The following ZRSR2 variants were observed in gnomAD, a reference collection of about 807,000 sequenced individuals.
ZRSR2 encodes the protein zinc finger CCCH-type, RNA binding motif and serine/arginine rich 2, also known as U2 small nuclear ribonucleoprotein auxiliary factor 35 kDa subunit-related protein 2.
ZRSR2 carries 3 observed loss-of-function variants against 39.4 expected under a neutral mutation model. That is an observed-to-expected ratio of 0.08 (90% CI 0.03 to 0.20). ZRSR2 has a LOEUF of 0.20. ZRSR2 is among the 10% of genes least tolerant of loss of function. The pLI, the probability that ZRSR2 is intolerant of heterozygous loss-of-function variation, is 1.00. For missense variants in ZRSR2, 256 were observed against 391.5 expected (o/e 0.65, Z 2.92); for synonymous variants, 137 against 136.0 (o/e 1.01, Z -0.05).
intron 10 of ZRSR2, among the ~76,000 whole-genome samples, chrX:15,822,132 A>C (rs1933122688): frequency 9.0e-6 from 1 of 110,554 alleles, no homozygotes; most frequent in African/African-American, 3.3e-5. Flanking sequence ...CTGGGATTAC[A>C]AGCGCCTGCC....
chrX:15,795,086 TTTC>T (rs1336781017), intron 2 of ZRSR2, among the ~76,000 whole-genome samples: 1 of 27,912 alleles, frequency 3.6e-5, no homozygotes, highest in Non-Finnish European at 5.2e-5. Context: ...CCCCTGCACT[TTTC>T]CCCCCCCCCC....
intron 2 of ZRSR2, among the ~76,000 whole-genome samples, chrX:15,798,717 C>T (rs1200371807): frequency 8.9e-6 from 1 of 112,222 alleles, no homozygotes; most frequent in Non-Finnish European, 1.9e-5. Context: ...AGCCAGTTAT[C>T]TTGTGGAATG....
intron 3 of ZRSR2, 132 bp downstream of exon 3, chrX:15,800,085 G>A (rs1932616024): frequency 9.9e-6 from 3 of 304,550 alleles, no homozygotes; most frequent in African/African-American, 2.8e-5. Flanking sequence ...CCTGTATAAA[G>A]TATTTAAATC....
chrX:15,807,300 T>G (rs1390542404), intron 5 of ZRSR2, among the ~76,000 whole-genome samples: 2 of 109,372 alleles, frequency 1.8e-5, no homozygotes, highest in African/African-American at 3.3e-5. Context: ...TGTTTGTTCG[T>G]TTTTTTTTAG....
At chrX:15,792,801 A>G (rs1392384833) in intron 2 of ZRSR2, among the ~76,000 whole-genome samples, 1 of 112,915 alleles carries the variant, frequency 8.9e-6, no homozygotes, top group African/African-American at 3.2e-5. Flanking sequence ...GTACTGGCTT[A>G]TAATGATTGT....
At chrX:15,796,518 C>T (rs754153257) in intron 2 of ZRSR2, among the ~76,000 whole-genome samples, 2,623 of 76,865 alleles carry the variant, frequency 0.034, 72 homozygotes, top group African/African-American at 0.11. Context: ...TCATTGGATG[C>T]GTTTTTTTCC....
chrX:15,797,968 A>G (rs996503725), intron 2 of ZRSR2, among the ~76,000 whole-genome samples: 5 of 112,106 alleles, frequency 4.5e-5, no homozygotes, highest in African/African-American at 1.3e-4. Flanking sequence ...GCAAGTAGTC[A>G]GGCCATATCC....
chrX:15,818,412 C>T (rs761771671), intron 8 of ZRSR2, among the ~76,000 whole-genome samples, 175 bp from the exon 9 acceptor site: 3 of 112,484 alleles, frequency 2.7e-5, no homozygotes, highest in Non-Finnish European at 3.7e-5. Flanking sequence ...GGATCAGGCA[C>T]GCTGCCATGT....
At chrX:15,790,746 A>G in intron 1 of ZRSR2, 188 bp from the exon 2 acceptor site, 2 of 623,165 alleles carry the variant, frequency 3.2e-6, no homozygotes, top group Non-Finnish European at 5.0e-6. Flanking sequence ...TGGCGGATGG[A>G]GAAGAACTGT....
intron 4 of ZRSR2, 21 bp downstream of exon 4, chrX:15,803,817 C>G (rs1257916299): frequency 8.5e-7 from 1 of 1,175,265 alleles, no homozygotes; most frequent in Admixed American, 2.5e-5. Flanking sequence ...AATCACGTAA[C>G]TAGTGAACAA....
At chrX:15,801,025 C>T (rs1455362481) in intron 3 of ZRSR2, among the ~76,000 whole-genome samples, 1 of 111,975 alleles carries the variant, frequency 8.9e-6, no homozygotes, top group African/African-American at 3.2e-5. Context: ...AGTTTGCAGC[C>T]CTTCTGGCAG....
intron 2 of ZRSR2, among the ~76,000 whole-genome samples, chrX:15,794,198 G>T (rs777537975): frequency 8.1e-5 from 9 of 111,321 alleles, no homozygotes; most frequent in Non-Finnish European, 1.1e-4. Flanking sequence ...ATGCTCCAAT[G>T]AGCATTTCCT....
At chrX:15,818,713 G>A in intron 9 of ZRSR2, 71 bp downstream of exon 9, 3 of 851,830 alleles carry the variant, frequency 3.5e-6, no homozygotes, top group Non-Finnish European at 3.4e-6. Flanking sequence ...TGATGTCTGG[G>A]ATTTTTCCAC....
intron 8 of ZRSR2, among the ~76,000 whole-genome samples, chrX:15,816,237 A>G (rs761607401): frequency 1.8e-5 from 2 of 111,895 alleles, no homozygotes; most frequent in East Asian, 5.6e-4. Flanking sequence ...TAGAAGCTGC[A>G]TGTGACAAAC....
chrX:15,796,825 G>A (rs1047020744), intron 2 of ZRSR2, among the ~76,000 whole-genome samples: 1 of 74,627 alleles, frequency 1.3e-5, no homozygotes, highest in Admixed American at 2.2e-4. Context: ...ACAGAGTCTC[G>A]CTCTGTCGCC....
At chrX:15,793,285 A>AT (rs1000998836) in intron 2 of ZRSR2, among the ~76,000 whole-genome samples, 38 of 106,286 alleles carry the variant, frequency 3.6e-4, no homozygotes, top group African/African-American at 1.1e-3. Flanking sequence ...TATTGTTTTG[A>AT]TTTTTTTTTT....
chrX:15,801,671 G>C (rs1421815507), intron 3 of ZRSR2: 1 of 113,661 alleles, frequency 8.8e-6, no homozygotes, highest in Non-Finnish European at 1.8e-5. Context: ...CAGCAGATGA[G>C]AGGTGCTGTG....
intron 4 of ZRSR2, 72 bp from the exon 5 acceptor site, chrX:15,804,039 T>C: frequency 9.3e-7 from 1 of 1,080,705 alleles, no homozygotes; most frequent in Non-Finnish European, 1.2e-6. Context: ...AAGTTTTTCA[T>C]CTATGTGCGC....
intron 7 of ZRSR2, among the ~76,000 whole-genome samples, chrX:15,810,865 A>AG (rs1489528698): frequency 3.8e-5 from 4 of 105,353 alleles, no homozygotes; most frequent in Non-Finnish European, 7.7e-5. Flanking sequence ...AAAAAAAAAA[A>AG]GTAAAATAAA....
Sources: gnomAD v4.1 joint callset for allele counts (sites outside exome capture counted in the v4.1 genomes callset) on GRCh38, gnomAD v4.1.1 for gene constraint, MANE v1.5 for transcripts, NCBI Gene and HGNC (gene_info 2026-07-23, HGNC 2026-07-21) for gene names.